KCNH7: variants seen among roughly 807,000 people sequenced by gnomAD.
The protein encoded by KCNH7 is voltage-gated inwardly rectifying potassium channel KCNH7.
Under a neutral mutation model 120.8 loss-of-function variants are expected in KCNH7, and 49 were observed. That is an observed-to-expected ratio of 0.41 (90% CI 0.32 to 0.51). KCNH7 has a LOEUF of 0.51. Ranked by LOEUF, KCNH7 falls within the 20% of genes least tolerant of loss-of-function variation. KCNH7 has a pLI of 0.38. For synonymous variants in KCNH7, 547 were observed against 516.1 expected (o/e 1.06, Z -0.81); for missense variants, 1,097 against 1,446.6 (o/e 0.76, Z 3.92).
intron 2 of KCNH7, among the ~76,000 whole-genome samples, chr2:162,693,438 C>G (rs1217405832): frequency 6.6e-6 from 1 of 151,804 alleles, no homozygotes; most frequent in South Asian, 2.1e-4. Context: ...TTTTTCAGAC[C>G]AGCTCTAATC....
chr2:162,802,837 A>C (rs1191021254), intron 2 of KCNH7, among the ~76,000 whole-genome samples: 1 of 151,774 alleles, frequency 6.6e-6, no homozygotes, highest in Non-Finnish European at 1.5e-5. Context: ...GTCTAAGAAA[A>C]ATAATAATTT....
At chr2:162,575,480 A>C (rs1362742718) in intron 2 of KCNH7, among the ~76,000 whole-genome samples, 1 of 151,912 alleles carries the variant, frequency 6.6e-6, no homozygotes, top group Non-Finnish European at 1.5e-5. Context: ...AATTCCTGAC[A>C]CTCTGCTATG....
chr2:162,819,735 GA>G (rs1393390892), intron 2 of KCNH7, among the ~76,000 whole-genome samples: 1 of 152,130 alleles, frequency 6.6e-6, no homozygotes, highest in Non-Finnish European at 1.5e-5. Context: ...AGAGTTGGGG[GA>G]AAAGGCAGAG....
chr2:162,808,976 TC>T (rs1027543075), intron 2 of KCNH7, among the ~76,000 whole-genome samples: 3 of 152,148 alleles, frequency 2.0e-5, no homozygotes, highest in African/African-American at 7.2e-5. Context: ...TGAAGACTGT[TC>T]CATACCCATT....
intron 2 of KCNH7, among the ~76,000 whole-genome samples, chr2:162,794,135 A>G (rs1227875415): frequency 6.6e-6 from 1 of 151,892 alleles, no homozygotes; most frequent in Non-Finnish European, 1.5e-5. Context: ...GAAATTTGCA[A>G]GAATATTTTC....
chr2:162,807,273 A>AAAC (rs1684580673), intron 2 of KCNH7, among the ~76,000 whole-genome samples: 1 of 51,302 alleles, frequency 1.9e-5, no homozygotes, highest in Non-Finnish European at 7.5e-5. Context: ...AAAAAAAAAA[A>AAAC]AAAAAAAAAA....
At chr2:162,546,484 A>C (rs1692482020) in intron 2 of KCNH7, among the ~76,000 whole-genome samples, 1 of 152,122 alleles carries the variant, frequency 6.6e-6, no homozygotes, top group Non-Finnish European at 1.5e-5. Context: ...GCTTACTCAG[A>C]ATATGAGCAA....
intron 7 of KCNH7, among the ~76,000 whole-genome samples, chr2:162,440,031 A>G (rs2105535262): frequency 6.6e-6 from 1 of 151,828 alleles, no homozygotes; most frequent in Admixed American, 6.6e-5. Flanking sequence ...ACAACTCTCT[A>G]CTCAAGAATA....
At chr2:162,745,256 TTCAA>T (rs1468405971) in intron 2 of KCNH7, among the ~76,000 whole-genome samples, 4 of 152,206 alleles carry the variant, frequency 2.6e-5, no homozygotes, top group African/African-American at 9.6e-5. Flanking sequence ...CATTTGTCGA[TTCAA>T]TCTCAATTCT....
intron 2 of KCNH7, among the ~76,000 whole-genome samples, chr2:162,775,306 T>C (rs1683194836): frequency 6.6e-6 from 1 of 152,234 alleles, no homozygotes; most frequent in Admixed American, 6.5e-5. Flanking sequence ...GTATTATACA[T>C]AATGTATTTG....
chr2:162,373,658 C>T lies in KCNH7; in HGVS notation c.3136G>A (p.Glu1046Lys). 1 of 1,506,180 alleles carries T rather than the reference C, an allele frequency of 6.6e-7. No individual in the cohort carries two copies. The highest frequency in any genetic ancestry group is 1.4e-5 in the South Asian group (1 of 73,892). The allele number at this position is 1,506,180 out of a possible 1,614,324, so 93.3% of individuals were successfully genotyped here. ...TGGATGTCAGTGGTCATTTGGGATT[C>T]AAGCCTACAGAACAGACAGAAGTAG... ...DLLQEQLNRL[E>K]SQMTTDIQTI... The change falls in exon 15 of 16, where the codon GAA (glutamate) becomes AAA (lysine). Residue 1046 changes from glutamate to lysine, a missense_variant. This residue lies in a region of KCNH7 where 406 missense variants were observed against 410.5 expected (regional missense o/e 0.99). Coordinates refer to ENST00000332142, the MANE Select transcript of KCNH7 (RefSeq NM_033272.4).
chr2:162,446,450 G>A lies in KCNH7; in HGVS notation c.1129-7C>T. ...CTGCTCCTAAAGAGAGAACCTGAAT[G>A]TGCAAAAGAAAATCATACACTACAT... On this transcript the variant is annotated splice_polypyrimidine_tract_variant and splice_region_variant and intron_variant, in intron 6 of 15. Transcript: ENST00000332142. 1 of 1,591,144 alleles carries A rather than the reference G, an allele frequency of 6.3e-7. No homozygotes were observed. Among genetic ancestry groups the A allele is most frequent in the African/African-American group, 1.3e-5 (1 of 74,204 alleles).
At chr2:162,592,551 GTCAGGACTTAGGTGA>G (rs993700110) in intron 2 of KCNH7, among the ~76,000 whole-genome samples, 2 of 152,016 alleles carry the variant, frequency 1.3e-5, no homozygotes, top group Non-Finnish European at 2.9e-5. Context: ...ATGAACAGGT[GTCAGGACTTAGGTGA>G]TCTGGCTCAA....
chr2:162,603,562 C>T (rs1279701259), intron 2 of KCNH7, among the ~76,000 whole-genome samples: 1 of 152,034 alleles, frequency 6.6e-6, no homozygotes, highest in Non-Finnish European at 1.5e-5. Flanking sequence ...CAAGTAAAAG[C>T]TGGGTATGGT....
At chr2:162,475,905 C>T (rs1689723317) in intron 6 of KCNH7, among the ~76,000 whole-genome samples, 1 of 152,186 alleles carries the variant, frequency 6.6e-6, no homozygotes, top group Admixed American at 6.5e-5. Flanking sequence ...GCCAGCTGGG[C>T]ATTGCTGGTG....
chr2:162,512,860 T>C (rs1691126962), intron 4 of KCNH7, among the ~76,000 whole-genome samples, 186 bp from the exon 5 acceptor site: 1 of 151,814 alleles, frequency 6.6e-6, no homozygotes, highest in African/African-American at 2.4e-5. Flanking sequence ...AAAAATAGTA[T>C]CTGTCATAAT....
At chr2:162,630,029 T>C (rs1485380655) in intron 2 of KCNH7, among the ~76,000 whole-genome samples, 4 of 152,056 alleles carry the variant, frequency 2.6e-5, no homozygotes, top group Non-Finnish European at 5.9e-5. Flanking sequence ...GATGACAACA[T>C]CCGAATATTG....
intron 2 of KCNH7, among the ~76,000 whole-genome samples, chr2:162,704,571 T>C (rs995463439): frequency 5.3e-5 from 8 of 152,202 alleles, no homozygotes; most frequent in Non-Finnish European, 8.8e-5. Context: ...TTTTTAAATA[T>C]GTGGTTCAAA....
intron 2 of KCNH7, among the ~76,000 whole-genome samples, chr2:162,669,262 A>G (rs1230781887): frequency 6.6e-6 from 1 of 152,236 alleles, no homozygotes; most frequent in Non-Finnish European, 1.5e-5. Flanking sequence ...AATGTAGAGC[A>G]AATAAAATGT....
Sources: gnomAD v4.1 joint callset for allele counts (sites outside exome capture counted in the v4.1 genomes callset) on GRCh38, gnomAD v4.1.1 for gene constraint, gnomAD v4.1.1 regional missense constraint, MANE v1.5 for transcripts, NCBI Gene and HGNC (gene_info 2026-07-23, HGNC 2026-07-21) for gene names.